The following B4GALT6 variants were observed in gnomAD, a reference collection of about 807,000 sequenced individuals.
B4GALT6 encodes UDP-Gal:beta-GlcNAc beta-1,4-galactosyltransferase 6.
A neutral mutation model predicts 46.3 loss-of-function variants in B4GALT6; 14 were observed. The observed-to-expected ratio is 0.30, with a 90% confidence interval of 0.20 to 0.47. B4GALT6 has a LOEUF of 0.47. B4GALT6 is among the 20% of genes least tolerant of loss of function. B4GALT6 has a pLI of 0.99. For missense variants in B4GALT6, 386 were observed against 480.1 expected (o/e 0.80, Z 1.83); for synonymous variants, 168 against 162.0 (o/e 1.04, Z -0.28).
At chr18:31,697,779 A>G in the B4GALT6 span, among the ~76,000 whole-genome samples, 2 of 152,188 alleles carry the variant, frequency 1.3e-5, no homozygotes, top group South Asian at 2.1e-4. Flanking sequence ...TGGTATAGAA[A>G]TGTAGGTTGA....
At chr18:31,720,247 A>G in the B4GALT6 span, among the ~76,000 whole-genome samples, 1 of 152,228 alleles carries the variant, frequency 6.6e-6, no homozygotes, top group Non-Finnish European at 1.5e-5. Context: ...GGTGGTTTCA[A>G]TAAGAAGAAA....
Position 31,627,202 on chromosome 18 carries a change from G to A in B4GALT6, c.777-81C>T. The A allele has an allele frequency of 3.1e-6, 4 of 1,279,530 alleles. No homozygotes were observed. The South Asian group carries it at 5.9e-5, about 19-fold the overall frequency. The allele number at this position is 1,279,530 out of a possible 1,614,324, so 79.3% of individuals were successfully genotyped here. A position where few individuals can be genotyped will look rare whatever the true frequency, so the allele number is the denominator to read the frequency against. ...AAATGAAGGTTTCAGCCTTTTATGTGCTTTGCAAAATATGCCCTTATATTC... is the reference window on the plus strand; with the variant it reads ...AAATGAAGGTTTCAGCCTTTTATGTACTTTGCAAAATATGCCCTTATATTC... On this transcript the variant is annotated intron_variant, in intron 6 of 8. Coordinates refer to ENST00000306851, the MANE Select transcript of B4GALT6 (RefSeq NM_004775.5).
chr18:31,625,562 C>T lies in B4GALT6; in HGVS notation c.*52G>A. On this transcript the variant is annotated 3_prime_UTR_variant, in exon 9 of 9. Coordinates refer to ENST00000306851, the MANE Select transcript of B4GALT6 (RefSeq NM_004775.5). ...CACTGACCTCCACTAAGAGCGCGCT[C>T]CAAGTTTATGATCCAGCATTGTGGT... 6.2e-7 allele frequency: 1 copy of T among 1,603,808 alleles called. No homozygotes were observed. Among genetic ancestry groups the T allele is most frequent in the African/African-American group, 1.3e-5 (1 of 74,226 alleles).
At chr18:31,714,192 G>A in the B4GALT6 span, among the ~76,000 whole-genome samples, 5 of 152,280 alleles carry the variant, frequency 3.3e-5, no homozygotes, top group African/African-American at 1.2e-4. Context: ...CACATTTCTG[G>A]TGTTCAGTAG....
At chr18:31,661,313 A>G (rs925506068) in intron 2 of B4GALT6, among the ~76,000 whole-genome samples, 3 of 152,348 alleles carry the variant, frequency 2.0e-5, no homozygotes, top group Non-Finnish European at 2.9e-5. Flanking sequence ...AAATCAAGAG[A>G]CAGCAGGATA....
chr18:31,692,691 G>A, the B4GALT6 span, among the ~76,000 whole-genome samples: 3 of 152,118 alleles, frequency 2.0e-5, no homozygotes, highest in African/African-American at 4.8e-5. Flanking sequence ...ATTAGCTAAC[G>A]CATATGGATG....
chr18:31,645,719 A>G (rs939243002), intron 3 of B4GALT6, among the ~76,000 whole-genome samples: 1 of 152,020 alleles, frequency 6.6e-6, no homozygotes, highest in Non-Finnish European at 1.5e-5. Context: ...CTTTTTAAAA[A>G]CCGTTTTGCT....
Position 31,668,676 on chromosome 18 carries a change from T to C in B4GALT6, c.116-2304A>G, listed in dbSNP as rs982100879. On this transcript the variant is annotated intron_variant, in intron 1 of 8. Transcript: ENST00000306851. ...TGGCAGATATTAAGCCCTTAAAAGT[T>C]TGAATTGACTTCTCATAAAAAGTCA... 3.3e-5 allele frequency among the ~76,000 whole-genome samples: 5 copies of C among 152,102 alleles called. No individual in the cohort carries two copies. In the East Asian group the frequency reaches 9.6e-4, roughly 29 times the overall value.
intron 1 of B4GALT6, 106 bp downstream of exon 1, chr18:31,684,206 C>T: frequency 1.3e-6 from 2 of 1,529,828 alleles, no homozygotes; most frequent in African/African-American, 1.4e-5. Flanking sequence ...CGCTTTTCTG[C>T]GGGCCCCTGT....
At chr18:31,647,305 A>C (rs1163760493) in intron 3 of B4GALT6, among the ~76,000 whole-genome samples, 1 of 152,140 alleles carries the variant, frequency 6.6e-6, no homozygotes, top group Non-Finnish European at 1.5e-5. Context: ...CATTATTGTC[A>C]GCAGTTTTCT....
chr18:31,623,033 A>G lies in B4GALT6; in HGVS notation c.*2581T>C, dbSNP rs2073637736. ...TCAGAAGATGTCTTCATAATTTCAG[A>G]AAGATCTCAATTTGCTTGACTTCAT... On this transcript the variant is annotated 3_prime_UTR_variant, in exon 9 of 9. Transcript: ENST00000306851. 2 of 152,062 alleles carry G rather than the reference A, an allele frequency of 1.3e-5. No homozygotes were observed. Among genetic ancestry groups the G allele is most frequent in the Admixed American group, 6.5e-5 (1 of 15,268 alleles). 9.4% of individuals were successfully genotyped at this position (152,062 alleles called of 1,614,324 possible).
chr18:31,716,814 A>T, the B4GALT6 span, among the ~76,000 whole-genome samples: 1 of 152,184 alleles, frequency 6.6e-6, no homozygotes, highest in South Asian at 2.1e-4. Context: ...AAGAAATAAA[A>T]TTAGTAGGCC....
chr18:31,671,368 G>A (rs1354786036), intron 1 of B4GALT6, among the ~76,000 whole-genome samples: 1 of 152,164 alleles, frequency 6.6e-6, no homozygotes, highest in Non-Finnish European at 1.5e-5. Flanking sequence ...CACCAACAGT[G>A]TAAAAGTGTT....
chr18:31,623,047 G>T lies in B4GALT6; in HGVS notation c.*2567C>A, dbSNP rs1057196682. On this transcript the variant is annotated 3_prime_UTR_variant, in exon 9 of 9. Transcript: ENST00000306851. ...CATAATTTCAGAAAGATCTCAATTT[G>T]CTTGACTTCATTTGTTTAGAAATGA... The T allele has an allele frequency of 2.9e-4, 44 of 151,960 alleles. No individual in the cohort carries two copies. Among genetic ancestry groups the T allele is most frequent in the African/African-American group, 1.1e-3 (44 of 41,410 alleles). 9.4% of individuals were successfully genotyped at this position (151,960 alleles called of 1,614,324 possible). A position where few individuals can be genotyped will look rare whatever the true frequency, so the allele number is the denominator to read the frequency against.
At chr18:31,656,831 C>A (rs1477600174) in intron 3 of B4GALT6, among the ~76,000 whole-genome samples, 4 of 152,106 alleles carry the variant, frequency 2.6e-5, no homozygotes, top group Admixed American at 6.5e-5. Flanking sequence ...TTCTACAGAT[C>A]AATACCAACA....
intron 5 of B4GALT6, among the ~76,000 whole-genome samples, chr18:31,635,772 C>A (rs111884961): frequency 6.6e-6 from 1 of 152,066 alleles, no homozygotes; most frequent in Non-Finnish European, 1.5e-5. Flanking sequence ...GAGCTGAGAT[C>A]GTGCTATCGC....
At chr18:31,661,582 T>G (rs2074217949) in intron 2 of B4GALT6, among the ~76,000 whole-genome samples, 1 of 152,194 alleles carries the variant, frequency 6.6e-6, no homozygotes. Flanking sequence ...TTATAGCTTT[T>G]GTTGCACATA....
In B4GALT6 at chr18:31,626,380, G is replaced by A; in HGVS notation, c.904C>T (p.His302Tyr). 1 of 1,534,664 alleles carries A rather than the reference G, an allele frequency of 6.5e-7. No homozygotes were observed. Among genetic ancestry groups the A allele is most frequent in the Non-Finnish European group, 9.0e-7 (1 of 1,113,222 alleles). Residue 302 changes from histidine to tyrosine, a missense_variant, in exon 8 of 9, where the codon CAC (histidine) becomes TAC (tyrosine). By Grantham distance (83) the His-to-Tyr change is moderately conservative. This residue lies in a region of B4GALT6 where 323 missense variants were observed against 438.9 expected (regional missense o/e 0.74). Coordinates refer to ENST00000306851, the MANE Select transcript of B4GALT6 (RefSeq NM_004775.5). The stretch of plus-strand genomic sequence containing the variant: ...CTGGTTACATTATATCCAGCATAGT[G>A]AACTCTACAATGCCATATATGGAAA... ...GEDDDLWNRV[H>Y]YAGYNVTRPE... is the part of the protein sequence containing the mutation.
intron 1 of B4GALT6, among the ~76,000 whole-genome samples, chr18:31,676,667 T>C (rs1405107746): frequency 6.6e-6 from 1 of 152,186 alleles, no homozygotes; most frequent in Non-Finnish European, 1.5e-5. Context: ...AGGTTTTCAG[T>C]AAGTAAGATT....
Sources: gnomAD v4.1 joint callset for allele counts (sites outside exome capture counted in the v4.1 genomes callset) on GRCh38, gnomAD v4.1.1 for gene constraint, gnomAD v4.1.1 regional missense constraint, MANE v1.5 for transcripts, NCBI Gene and HGNC (gene_info 2026-07-23, HGNC 2026-07-21) for gene names.